Variants in EEPD1 observed in about 807,000 individuals in gnomAD.
The protein encoded by EEPD1 is endonuclease/exonuclease/phosphatase family domain containing 1, also known as endonuclease/exonuclease/phosphatase family domain-containing protein 1.
A neutral mutation model predicts 46.3 loss-of-function variants in EEPD1; 17 were observed. That is an observed-to-expected ratio of 0.37 (90% CI 0.25 to 0.55). The LOEUF is 0.55. Ranked by LOEUF, EEPD1 falls within the 20% of genes least tolerant of loss-of-function variation. EEPD1 has a pLI of 0.83. For missense variants in EEPD1, 673 were observed against 745.6 expected (o/e 0.90, Z 1.13); for synonymous variants, 313 against 315.6 (o/e 0.99, Z 0.09).
intron 3 of EEPD1, among the ~76,000 whole-genome samples, chr7:36,248,066 C>T (rs1786668771): frequency 6.6e-6 from 1 of 152,094 alleles, no homozygotes; most frequent in Admixed American, 6.6e-5. Context: ...GCCTAGAGAC[C>T]ATCCACCTAG....
chr7:36,168,845 G>A (rs1317672792), intron 2 of EEPD1, among the ~76,000 whole-genome samples: 1 of 151,918 alleles, frequency 6.6e-6, no homozygotes, highest in African/African-American at 2.4e-5. Context: ...TTAACTGGGG[G>A]TAAAGGACCC....
At chr7:36,220,674 C>T (rs903138544) in intron 2 of EEPD1, among the ~76,000 whole-genome samples, 1 of 152,208 alleles carries the variant, frequency 6.6e-6, no homozygotes, top group Non-Finnish European at 1.5e-5. Flanking sequence ...CTGCAGAGAA[C>T]ATGAAAATGT....
chr7:36,271,861 A>G (rs1440508742), intron 3 of EEPD1, among the ~76,000 whole-genome samples: 1 of 23,566 alleles, frequency 4.2e-5, no homozygotes, highest in East Asian at 6.9e-4. Context: ...ATTCTATTCT[A>G]TTCTATTCTA....
At chr7:36,295,664 AAGC>A (rs1294125431) in intron 6 of EEPD1, among the ~76,000 whole-genome samples, 1 of 152,210 alleles carries the variant, frequency 6.6e-6, no homozygotes, top group East Asian at 1.9e-4. Flanking sequence ...CAGCCTTGGA[AAGC>A]AGGCTGGCAG....
At position 36,249,540 on chromosome 7, in the gene EEPD1, C is replaced by T. The variant is rs117301342; in HGVS notation, c.930+10504C>T. Among the ~76,000 whole-genome samples, 131 of 152,230 alleles carry T rather than the reference C, an allele frequency of 8.6e-4. 2 individuals are homozygous for T. In the East Asian group the frequency reaches 0.021, roughly 24 times the overall value. ...TAGGAAGGGAGAGGTTAAAAAAATC[C>T]GTGGTAGGTCTACCCAAGGGCCTAG... is the stretch of plus-strand genomic sequence containing the variant. On this transcript the variant is annotated intron_variant, in intron 3 of 7. Transcript: ENST00000242108.
At chr7:36,213,452 TGTTGAAAAGACAGAGTTG>T (rs1364664736) in intron 2 of EEPD1, among the ~76,000 whole-genome samples, 2 of 152,192 alleles carry the variant, frequency 1.3e-5, no homozygotes. Context: ...GCCCAACAGA[TGTTGAAAAGACAGAGTTG>T]GAGTTCAGAA....
chr7:36,240,161 C>T (rs1786534148), intron 3 of EEPD1, among the ~76,000 whole-genome samples: 1 of 152,048 alleles, frequency 6.6e-6, no homozygotes, highest in Admixed American at 6.6e-5. Flanking sequence ...CCCAATTCCG[C>T]AGGAGGCTGA....
At chr7:36,279,484 T>C (rs1184344930) in intron 3 of EEPD1, among the ~76,000 whole-genome samples, 1 of 152,196 alleles carries the variant, frequency 6.6e-6, no homozygotes, top group Non-Finnish European at 1.5e-5. Context: ...TCTTCCCTCT[T>C]ACAAATAAAG....
chr7:36,211,453 T>A (rs62445436), intron 2 of EEPD1, among the ~76,000 whole-genome samples: 22,475 of 151,988 alleles, frequency 0.15, 1,760 homozygotes, highest in South Asian at 0.19. Flanking sequence ...AAAAATTAGA[T>A]CCTCTCCTCA....
intron 2 of EEPD1, among the ~76,000 whole-genome samples, chr7:36,183,875 G>GTTTTTTTTTTTTT (rs35033256): frequency 5.8e-5 from 3 of 51,888 alleles, no homozygotes; most frequent in Non-Finnish European, 1.9e-4. Flanking sequence ...CCTAGCCCTC[G>GTTTTTTTTTTTTT]TTTTTTTTTT....
At chr7:36,168,425 A>G (rs1272502841) in intron 2 of EEPD1, among the ~76,000 whole-genome samples, 1 of 152,220 alleles carries the variant, frequency 6.6e-6, no homozygotes, top group Non-Finnish European at 1.5e-5. Context: ...GAGGTAGCAA[A>G]TCCATAAACT....
intron 4 of EEPD1, among the ~76,000 whole-genome samples, chr7:36,284,356 T>C (rs1787307432): frequency 6.6e-6 from 1 of 152,192 alleles, no homozygotes; most frequent in Non-Finnish European, 1.5e-5. Context: ...ATCTGGGAAA[T>C]GGAAGCATGA....
intron 2 of EEPD1, among the ~76,000 whole-genome samples, chr7:36,211,620 T>C (rs1449214324): frequency 6.6e-6 from 1 of 152,150 alleles, no homozygotes; most frequent in Non-Finnish European, 1.5e-5. Flanking sequence ...TGGGTTCGAC[T>C]ACTTTTAAAA....
rs1785596348 is a variant in EEPD1 at position 36,196,672 on chromosome 7, C to T, written c.878+41470C>T. ...CGAGTGATCTGCCAGCCTCGGCCTC[C>T]CGAAGTGCCGGGATTGCAGACAGAG... On this transcript the variant is annotated intron_variant, in intron 2 of 7. Transcript: ENST00000242108. Among the ~76,000 whole-genome samples, 4 of 152,358 alleles carry T rather than the reference C, an allele frequency of 2.6e-5. No homozygotes were observed. In the South Asian group the frequency reaches 8.3e-4, roughly 32 times the overall value.
intron 2 of EEPD1, among the ~76,000 whole-genome samples, chr7:36,157,834 G>A (rs944530117): frequency 6.6e-5 from 10 of 151,500 alleles, no homozygotes; most frequent in African/African-American, 9.7e-5. Context: ...AGTAGATCTC[G>A]TGTCCTCAAT....
chr7:36,157,166 A>G (rs1784837960), intron 2 of EEPD1, among the ~76,000 whole-genome samples: 1 of 152,208 alleles, frequency 6.6e-6, no homozygotes, highest in African/African-American at 2.4e-5. Context: ...ATTTTATATC[A>G]GGGACTTGAG....
In EEPD1 at chr7:36,187,399, T is replaced by C. The variant is rs185252520; in HGVS notation, c.878+32197T>C. Among the ~76,000 whole-genome samples, 573 of 152,208 alleles carry C rather than the reference T, an allele frequency of 3.8e-3. 2 individuals are homozygous for C. The highest frequency in any genetic ancestry group is 5.4e-3 in the Non-Finnish European group (370 of 68,000). The stretch of plus-strand genomic sequence containing the variant: ...ACTGTGCCCCCATTAAACACTAACT[T>C]CCCATTCCCCATCTTCCAGCCCCTG... On this transcript the variant is annotated intron_variant, in intron 2 of 7. Coordinates refer to ENST00000242108, the MANE Select transcript of EEPD1 (RefSeq NM_030636.3).
intron 7 of EEPD1, among the ~76,000 whole-genome samples, 195 bp downstream of exon 7, chr7:36,297,382 A>C (rs1303153907): frequency 1.3e-5 from 2 of 152,212 alleles, no homozygotes; most frequent in African/African-American, 4.8e-5. Context: ...AGGACCACAC[A>C]GTGCTTTCCA....
At chr7:36,272,521 T>TTG (rs56289653) in intron 3 of EEPD1, among the ~76,000 whole-genome samples, 25,119 of 148,976 alleles carry the variant, frequency 0.17, 2,405 homozygotes, top group Non-Finnish European at 0.24. Context: ...TTTTTTTTTT[T>TTG]TGTGCTCCCT....
Sources: gnomAD v4.1 joint callset for allele counts (sites outside exome capture counted in the v4.1 genomes callset) on GRCh38, gnomAD v4.1.1 for gene constraint, MANE v1.5 for transcripts, NCBI Gene and HGNC (gene_info 2026-07-23, HGNC 2026-07-21) for gene names.